CCND1: variants seen among roughly 807,000 people sequenced by gnomAD.
CCND1 encodes the protein cyclin D1, also known as G1/S-specific cyclin-D1.
Under a neutral mutation model 26.1 loss-of-function variants are expected in CCND1, and 9 were observed. That is an observed-to-expected ratio of 0.35 (90% CI 0.21 to 0.60). CCND1 has a LOEUF of 0.60. CCND1 is among the 20% of genes least tolerant of loss of function. The pLI is 0.79. For missense variants in CCND1, 335 were observed against 392.9 expected (o/e 0.85, Z 1.25); for synonymous variants, 194 against 166.1 (o/e 1.17, Z -1.29).
At chr11:69,646,433 G>A (rs929842643) in intron 3 of CCND1, among the ~76,000 whole-genome samples, 5 of 152,104 alleles carry the variant, frequency 3.3e-5, no homozygotes, top group African/African-American at 7.2e-5. Context: ...TTATTCTCTC[G>A]GGATGAAGTC....
At chr11:69,647,839 G>C (rs930589313) in intron 3 of CCND1, 155 bp from the exon 4 acceptor site, 5 of 775,866 alleles carry the variant, frequency 6.4e-6, no homozygotes, top group Non-Finnish European at 8.1e-6. Flanking sequence ...ATGGCTGGAG[G>C]CTGAGGAGGG....
At position 69,644,055 on chromosome 11, in the gene CCND1, G is replaced by A. The variant is rs761578691; in HGVS notation, c.574+64G>A. The stretch of plus-strand genomic sequence containing the variant: ...GCCGGCTCCTTAGGTGACCCTGGCC[G>A]GCTTCTTGCTCTCCACCTGGGTGCT... On this transcript the variant is annotated intron_variant, in intron 3 of 4. Transcript: ENST00000227507. 3.3e-6 allele frequency: 5 copies of A among 1,533,528 alleles called. No individual in the cohort carries two copies. The African/African-American group carries it at 4.1e-5, about 13-fold the overall frequency. The allele number at this position is 1,533,528 out of a possible 1,614,324, so 95.0% of individuals were successfully genotyped here.
At chr11:69,649,854 G>T (rs1855833402) in intron 4 of CCND1, among the ~76,000 whole-genome samples, 1 of 152,208 alleles carries the variant, frequency 6.6e-6, no homozygotes, top group African/African-American at 2.4e-5. Context: ...GTTTTAGGTT[G>T]AACGTCAGGA....
Position 69,641,298 on chromosome 11 carries a change from AG to A in CCND1, c.-14del. ...GACCCACAGCCCTCCCCAGCTGCCC[AG>A]GAAGAGCCCCAGCCATGGAACACCA... On this transcript the variant is annotated 5_prime_UTR_variant, in exon 1 of 5. Transcript: ENST00000227507. The A allele has an allele frequency of 1.2e-6, 2 of 1,608,276 alleles. No individual in the cohort carries two copies. The highest frequency in any genetic ancestry group is 1.7e-6 in the Non-Finnish European group (2 of 1,179,386).
Position 69,651,557 on chromosome 11 carries a change from G to A in CCND1, c.*275G>A, listed in dbSNP as rs1855856146. On this transcript the variant is annotated 3_prime_UTR_variant, in exon 5 of 5. Coordinates refer to ENST00000227507, the MANE Select transcript of CCND1 (RefSeq NM_053056.3). Reference sequence around the variant, plus strand: ...CTGAGCGGTGGGGGAGGAGGGTTGTGCTACAGATGATAGAGGATTTTATAC... The same window carrying A: ...CTGAGCGGTGGGGGAGGAGGGTTGTACTACAGATGATAGAGGATTTTATAC... 2 of 347,694 alleles carry A rather than the reference G, an allele frequency of 5.8e-6. No homozygotes were observed. The highest frequency in any genetic ancestry group is 1.0e-5 in the Non-Finnish European group (2 of 194,162). 21.5% of individuals were successfully genotyped at this position (347,694 alleles called of 1,614,324 possible). A position where few individuals can be genotyped will look rare whatever the true frequency, so the allele number is the denominator to read the frequency against.
At position 69,652,263 on chromosome 11, in the gene CCND1, C is replaced by G. The variant is rs1855865570; in HGVS notation, c.*981C>G. 4.3e-6 allele frequency: 1 copy of G among 233,712 alleles called. No homozygotes were observed. The highest frequency in any genetic ancestry group is 1.3e-3 in the Middle Eastern group (1 of 786). The allele number at this position is 233,712 out of a possible 1,614,324, so 14.5% of individuals were successfully genotyped here. A position where few individuals can be genotyped will look rare whatever the true frequency, so the allele number is the denominator to read the frequency against. ...AACCCACAGCTACTTGGTTTGTGTT[C>G]TTCTTCATATTCTAAAACCATTCCA... On this transcript the variant is annotated 3_prime_UTR_variant, in exon 5 of 5. Coordinates refer to ENST00000227507, the MANE Select transcript of CCND1 (RefSeq NM_053056.3).
At chr11:69,641,954 C>A (rs1304774990) in intron 1 of CCND1, among the ~76,000 whole-genome samples, 1 of 152,054 alleles carries the variant, frequency 6.6e-6, no homozygotes, top group Non-Finnish European at 1.5e-5. Context: ...GCCGCTCGTG[C>A]CAGTATTATG....
intron 1 of CCND1, among the ~76,000 whole-genome samples, chr11:69,641,849 CCCGGCTGCGCCTCA>C: frequency 6.6e-6 from 1 of 152,110 alleles, no homozygotes; most frequent in African/African-American, 2.4e-5. Context: ...TGCGCCCCAG[CCCGGCTGCGCCTCA>C]GCGGCCGGGA....
intron 1 of CCND1, 64 bp from the exon 2 acceptor site, chr11:69,642,967 G>A: frequency 1.6e-6 from 2 of 1,275,976 alleles, no homozygotes; most frequent in Non-Finnish European, 2.1e-6. Context: ...GATGGGGGGT[G>A]CGGGGGCGTG....
At chr11:69,644,020 C>T (rs1204100512) in intron 3 of CCND1, 29 bp downstream of exon 3, 1 of 1,611,610 alleles carries the variant, frequency 6.2e-7, no homozygotes, top group Admixed American at 1.7e-5. Flanking sequence ...CCCCCGGCCT[C>T]CCCTTGAGAG....
At chr11:69,644,392 GC>G (rs1855752984) in intron 3 of CCND1, among the ~76,000 whole-genome samples, 1 of 152,138 alleles carries the variant, frequency 6.6e-6, no homozygotes, top group Non-Finnish European at 1.5e-5. Flanking sequence ...AGCTGCAGAG[GC>G]CCCCTCCTGG....
rs1479548648 is a variant in CCND1, at chr11:69,654,162, A to T, written c.*2880A>T. The T allele has an allele frequency of 1.4e-6, 1 of 700,628 alleles. No individual in the cohort carries two copies. Among genetic ancestry groups the T allele is most frequent in the South Asian group, 1.5e-5 (1 of 67,392 alleles). The allele number at this position is 700,628 out of a possible 1,614,324, so 43.4% of individuals were successfully genotyped here. The stretch of plus-strand genomic sequence containing the variant: ...CAGAACACGGCTCACGCTTACCTCA[A>T]CCATCCTGGCTGCGGCGTCTGTCTG... On this transcript the variant is annotated 3_prime_UTR_variant, in exon 5 of 5. Coordinates refer to ENST00000227507, the MANE Select transcript of CCND1 (RefSeq NM_053056.3). This position sits in a 1 kb window ranked among gnomAD's most constrained non-coding sequence, Gnocchi z 6.3.
chr11:69,646,137 T>G (rs1855775823), intron 3 of CCND1, among the ~76,000 whole-genome samples: 1 of 152,022 alleles, frequency 6.6e-6, no homozygotes, highest in African/African-American at 2.4e-5. Context: ...GACGGGGGGG[T>G]GCACAAGGTG....
intron 3 of CCND1, among the ~76,000 whole-genome samples, chr11:69,646,108 C>T (rs774737050): frequency 1.2e-4 from 19 of 152,204 alleles, no homozygotes; most frequent in Non-Finnish European, 1.9e-4. Context: ...AGTGACTCCA[C>T]GCTGTGTGTG....
intron 1 of CCND1, among the ~76,000 whole-genome samples, chr11:69,641,824 T>A (rs1855706236): frequency 1.3e-5 from 2 of 151,896 alleles, no homozygotes; most frequent in South Asian, 4.1e-4. Context: ...CTGGGTGCGC[T>A]TTGTGTCCCC....
At position 69,647,897 on chromosome 11, in the gene CCND1, C is replaced by T. The variant is rs188000284; in HGVS notation, c.575-97C>T. 6.6e-5 allele frequency: 94 copies of T among 1,424,084 alleles called. No homozygotes were observed. In the Middle Eastern group the frequency reaches 1.5e-3, roughly 23 times the overall value. The allele number at this position is 1,424,084 out of a possible 1,614,324, so 88.2% of individuals were successfully genotyped here. A position where few individuals can be genotyped will look rare whatever the true frequency, so the allele number is the denominator to read the frequency against. Reference sequence around the variant, plus strand: ...CCGAGTGCTTCCCTTCAGGCCGGGCCGCTTGCTCAGAGCCAGCACACAGGG... The same window carrying T: ...CCGAGTGCTTCCCTTCAGGCCGGGCTGCTTGCTCAGAGCCAGCACACAGGG... On this transcript the variant is annotated intron_variant, in intron 3 of 4. Coordinates refer to ENST00000227507, the MANE Select transcript of CCND1 (RefSeq NM_053056.3).
intron 3 of CCND1, among the ~76,000 whole-genome samples, chr11:69,646,894 C>G (rs1013138274): frequency 4.6e-5 from 7 of 152,360 alleles, no homozygotes; most frequent in African/African-American, 1.7e-4. Flanking sequence ...TGCAGCCTGG[C>G]AGGCGGATGA....
chr11:69,653,225 G>T lies in CCND1; in HGVS notation c.*1943G>T, dbSNP rs1855878147. The T allele has an allele frequency of 1.4e-6, 1 of 700,026 alleles. No homozygotes were observed. The highest frequency in any genetic ancestry group is 1.5e-5 in the South Asian group (1 of 66,958). The allele number at this position is 700,026 out of a possible 1,614,324, so 43.4% of individuals were successfully genotyped here. A position where few individuals can be genotyped will look rare whatever the true frequency, so the allele number is the denominator to read the frequency against. On this transcript the variant is annotated 3_prime_UTR_variant, in exon 5 of 5. Coordinates refer to ENST00000227507, the MANE Select transcript of CCND1 (RefSeq NM_053056.3). ...GTGCCCACACCGGGGACAGGCCGCA[G>T]CTCCATTTTCTTATTGCGCTGCTAC...
At chr11:69,644,679 A>G (rs1470865149) in intron 3 of CCND1, among the ~76,000 whole-genome samples, 3 of 152,132 alleles carry the variant, frequency 2.0e-5, no homozygotes, top group Non-Finnish European at 4.4e-5. Context: ...CCTCCCTGAC[A>G]TGGCCTTGGC....
Sources: allele counts gnomAD v4.1 joint callset (sites outside exome capture counted in the v4.1 genomes callset), GRCh38; gene constraint gnomAD v4.1.1; non-coding constraint Gnocchi (gnomAD v3.1); transcripts MANE v1.5; gene names NCBI Gene and HGNC (gene_info 2026-07-23, HGNC 2026-07-21).